TUB: variants seen among roughly 807,000 people sequenced by gnomAD.
The protein encoded by TUB is tubby protein homolog.
Under a neutral mutation model 59.7 loss-of-function variants are expected in TUB, and 33 were observed. That is an observed-to-expected ratio of 0.55 (90% confidence interval 0.42 to 0.74). The LOEUF (loss-of-function observed/expected upper bound fraction) is 0.74. TUB is among the 30% of genes least tolerant of loss of function. The pLI is 0.00. For missense variants in TUB, 659 were observed against 672.0 expected, an observed-to-expected ratio of 0.98 and a Z score of 0.21; for synonymous variants, 293 against 256.4, an observed-to-expected ratio of 1.14 and a Z score of -1.36.
chr11:8,072,992 G>A (rs1046396327), intron 2 of TUB, among the ~76,000 whole-genome samples: 5 of 152,226 alleles, frequency 3.3e-5, no homozygotes, highest in Non-Finnish European at 7.3e-5. Context: ...GAGCCTTAGA[G>A]ACAGTCCCAC....
At chr11:8,101,115 G>T in intron 11 of TUB, 118 bp downstream of exon 11, 1 of 1,239,258 alleles carries the variant, frequency 8.1e-7, no homozygotes, top group Non-Finnish European at 1.1e-6. Flanking sequence ...GAGCTATACA[G>T]CTAAGGTTAG....
intron 5 of TUB, among the ~76,000 whole-genome samples, chr11:8,096,103 C>T (rs1323379199): frequency 1.3e-5 from 2 of 152,186 alleles, no homozygotes; most frequent in Admixed American, 1.3e-4. Flanking sequence ...TCAAGGATGG[C>T]TTCCTGTACA....
chr11:8,030,163 T>A (rs904973759), intron 1 of TUB, among the ~76,000 whole-genome samples: 1 of 152,138 alleles, frequency 6.6e-6, no homozygotes, highest in African/African-American at 2.4e-5. Flanking sequence ...CGCTGAAGTT[T>A]GACATCATCA....
intron 2 of TUB, among the ~76,000 whole-genome samples, chr11:8,064,758 G>A (rs1225912476): frequency 6.6e-6 from 1 of 152,206 alleles, no homozygotes; most frequent in Admixed American, 6.5e-5. Context: ...AGGGCCACAG[G>A]GCCTCCTGGG....
At chr11:8,083,924 G>A (rs1034640076) in intron 1 of TUB, among the ~76,000 whole-genome samples, 1 of 152,210 alleles carries the variant, frequency 6.6e-6, no homozygotes, top group South Asian at 2.1e-4. Context: ...CTGAGAGGAG[G>A]AGATTCAAAT....
intron 3 of TUB, 22 bp from the exon 4 acceptor site, chr11:8,094,024 T>C (rs774097442): frequency 6.2e-7 from 1 of 1,614,042 alleles, no homozygotes; most frequent in South Asian, 1.1e-5. Context: ...TCTCTCTCCA[T>C]CTGGGGATGT....
intron 2 of TUB, among the ~76,000 whole-genome samples, chr11:8,065,412 GT>G (rs944293084): frequency 6.6e-6 from 1 of 152,214 alleles, no homozygotes; most frequent in Non-Finnish European, 1.5e-5. Flanking sequence ...TTTCGTGTGA[GT>G]CTTAGATTCA....
chr11:8,041,915 C>T (rs2133735617), intron 2 of TUB, among the ~76,000 whole-genome samples: 1 of 152,316 alleles, frequency 6.6e-6, no homozygotes, highest in Non-Finnish European at 1.5e-5. Flanking sequence ...CAATGCCCAG[C>T]AGTCCTGTGA....
At chr11:8,027,724 A>G (rs1942518990) in intron 1 of TUB, among the ~76,000 whole-genome samples, 1 of 152,206 alleles carries the variant, frequency 6.6e-6, no homozygotes, top group South Asian at 2.1e-4. Context: ...CATGTTGGCC[A>G]GGCTGGTCTT....
At chr11:8,051,846 G>T (rs1942939933) in intron 2 of TUB, among the ~76,000 whole-genome samples, 1 of 152,114 alleles carries the variant, frequency 6.6e-6, no homozygotes, top group Admixed American at 6.5e-5. Flanking sequence ...TCTGTTATTT[G>T]TTTTTGTATG....
Position 8,091,545 on chromosome 11 carries a change from A to G in TUB, c.253+1314A>G, listed in dbSNP as rs768618765. Reference sequence around the variant, plus strand: ...TACTCTGCTAGTGAGCAGCAGGGCTAGAATTTGAACCCAGACCTAACAGAC... The same window carrying G: ...TACTCTGCTAGTGAGCAGCAGGGCTGGAATTTGAACCCAGACCTAACAGAC... On this transcript the variant is annotated intron_variant, in intron 3 of 11. Coordinates refer to ENST00000299506, the MANE Select transcript of TUB (RefSeq NM_177972.3). 6.4e-4 allele frequency among the ~76,000 whole-genome samples: 98 copies of G among 152,198 alleles called. 1 individual carries two copies. The highest frequency in any genetic ancestry group is 2.2e-4 in the Non-Finnish European group (15 of 68,038).
Position 8,095,513 on chromosome 11 carries a change from C to G in TUB, c.413C>G (p.Ala138Gly). The part of the protein sequence containing the change: ...KGKHKGTSGP[A>G]ALAEDKSEAQ... ...TGGCCTGCAGGCACCAGCGGGCCAG[C>G]AGCACTGGCAGAAGACAAGTCTGAG... The change falls in exon 5 of 12, where the codon GCA becomes GGA. Residue 138 changes from alanine (A) to glycine (G), a missense_variant. Around this residue, in one of 3 missense-constraint regions of TUB, gnomAD observed 321 missense variants for 304.3 expected, o/e 1.05. Transcript: ENST00000299506. 1 of 1,610,366 alleles carries G rather than the reference C, an allele frequency of 6.2e-7. No homozygotes were observed. The highest frequency in any genetic ancestry group is 2.2e-5 in the East Asian group (1 of 44,828).
Position 8,101,728 on chromosome 11 carries a change from G to A in TUB, c.*109G>A. 6.8e-7 allele frequency: 1 copy of A among 1,465,020 alleles called. No homozygotes were observed. Among genetic ancestry groups the A allele is most frequent in the South Asian group, 1.4e-5 (1 of 70,816 alleles). 90.8% of individuals were successfully genotyped at this position (1,465,020 alleles called of 1,614,324 possible). ...GTATATAGGCCTTCCGCCAGATGAA[G>A]CTTTGGCCCTCAGTGGGCTCCCTGG... On this transcript the variant is annotated 3_prime_UTR_variant, in exon 12 of 12. Transcript: ENST00000299506.
intron 2 of TUB, among the ~76,000 whole-genome samples, chr11:8,040,489 T>C: frequency 6.6e-6 from 1 of 152,182 alleles, no homozygotes; most frequent in South Asian, 2.1e-4. Flanking sequence ...CCCGGGTTTC[T>C]GATGGGGTTT....
chr11:8,064,613 A>C lies in TUB; in HGVS notation c.203+24921A>C, dbSNP rs535843054. On this transcript the variant is annotated intron_variant, in intron 2 of 12. Transcript: ENST00000305253. ...GAGACTGTTAGGGAACTTTGACGTA[A>C]GTGGGGTCGAAGACTGTGGCCTTCA... Among the ~76,000 whole-genome samples the C allele has an allele frequency of 2.6e-5, 4 of 152,252 alleles. No individual in the cohort carries two copies. The South Asian group carries it at 8.3e-4, about 32-fold the overall frequency.
chr11:8,069,873 CA>C (rs34005020), intron 2 of TUB, among the ~76,000 whole-genome samples: 5,452 of 152,062 alleles, frequency 0.036, 334 homozygotes, highest in African/African-American at 0.12. Flanking sequence ...TTGAGAGAAA[CA>C]GGCAAAAAAG....
At chr11:8,049,576 TATATAGATAGATAGATAG>T (rs1337089386) in intron 2 of TUB, among the ~76,000 whole-genome samples, 2 of 128,976 alleles carry the variant, frequency 1.6e-5, no homozygotes, top group South Asian at 2.6e-4. Context: ...TATATATATA[TATATAGATAGATAGATAG>T]ATAGATAGAT....
intron 1 of TUB, among the ~76,000 whole-genome samples, chr11:8,024,625 T>C (rs187972620): frequency 1.6e-3 from 240 of 152,324 alleles, no homozygotes; most frequent in African/African-American, 5.6e-3. Context: ...TCTTCCCAGT[T>C]CTTTGCTATT....
At chr11:8,076,437 T>G (rs1326207255), upstream of TUB, 1 of 152,226 alleles carries the variant, frequency 6.6e-6, no homozygotes, top group East Asian at 1.9e-4. Context: ...CAACCTTTTT[T>G]CAACCTCTCT....
Sources: gnomAD v4.1 joint callset for allele counts (sites outside exome capture counted in the v4.1 genomes callset) on GRCh38, gnomAD v4.1.1 for gene constraint, gnomAD v4.1.1 regional missense constraint, MANE v1.5 for transcripts, NCBI Gene and HGNC (gene_info 2026-07-23, HGNC 2026-07-21) for gene names.